KIF26B: variants seen among roughly 807,000 people sequenced by gnomAD.
The protein encoded by KIF26B is kinesin-like protein KIF26B.
KIF26B carries 63 observed loss-of-function variants against 151.2 expected under a neutral mutation model. The ratio of observed to expected loss-of-function variants is 0.42; its 90% confidence interval spans 0.34 to 0.51. The LOEUF (loss-of-function observed/expected upper bound fraction) is 0.51, where lower values mean the gene tolerates loss of function less well. Among genes scored for constraint, KIF26B ranks in the 20% least tolerant of loss-of-function variants. The pLI is 0.07. For missense variants in KIF26B, 2,813 were observed against 2,913.6 expected (o/e 0.97, Z 0.79); for synonymous variants, 1,357 against 1,262.1 (o/e 1.08, Z -1.59).
chr1:245,408,650 C>T (rs561514684), intron 3 of KIF26B, among the ~76,000 whole-genome samples: 8 of 152,300 alleles, frequency 5.3e-5, no homozygotes, highest in East Asian at 1.9e-4. Context: ...CCACCGCGTC[C>T]GGCCCCAAAT....
At position 245,493,030 on chromosome 1, in the gene KIF26B, C is replaced by T. The variant is rs980018841; in HGVS notation, c.1167-47737C>T. Reference sequence around the variant, plus strand: ...TCCTGACCTCGTCATCCACCTGCCTCGGCTTCCCAAAGTGCTGGGATTACA... The same window carrying T: ...TCCTGACCTCGTCATCCACCTGCCTTGGCTTCCCAAAGTGCTGGGATTACA... On this transcript the variant is annotated intron_variant, in intron 4 of 14. Transcript: ENST00000407071. Among the ~76,000 whole-genome samples the T allele has an allele frequency of 2.8e-4, 42 of 152,290 alleles. 1 individual carries two copies. Among genetic ancestry groups the T allele is most frequent in the Non-Finnish European group, 4.7e-4 (32 of 68,026 alleles).
At chr1:245,538,618 C>G (rs1373884107) in intron 4 of KIF26B, among the ~76,000 whole-genome samples, 1 of 152,116 alleles carries the variant, frequency 6.6e-6, no homozygotes, top group Non-Finnish European at 1.5e-5. Context: ...TCACTCCCTT[C>G]CCCTGTCTGT....
rs1183655901 is a variant in KIF26B at position 245,380,307 on chromosome 1, A to G, written c.999+12940A>G. On this transcript the variant is annotated intron_variant, in intron 3 of 14. Transcript: ENST00000407071. ...CAATGACTTGAGACACTGGGGAGAA[A>G]AAAAGATTCCATATGAAAAGCAAAG... is the stretch of plus-strand genomic sequence containing the variant. 2.6e-5 allele frequency among the ~76,000 whole-genome samples: 4 copies of G among 152,128 alleles called. No individual in the cohort carries two copies. The East Asian group carries it at 7.7e-4, about 29-fold the overall frequency.
At chr1:245,434,715 C>T (rs1658862298) in intron 4 of KIF26B, among the ~76,000 whole-genome samples, 1 of 152,118 alleles carries the variant, frequency 6.6e-6, no homozygotes, top group Admixed American at 6.5e-5. Context: ...TCTCTTGTCT[C>T]TAGGTGGGGA....
At chr1:245,656,506 C>T (rs917442214) in intron 10 of KIF26B, among the ~76,000 whole-genome samples, 1 of 152,208 alleles carries the variant, frequency 6.6e-6, no homozygotes, top group Non-Finnish European at 1.5e-5. Flanking sequence ...CATCATATCA[C>T]AAGTTGTGTC....
intron 3 of KIF26B, among the ~76,000 whole-genome samples, chr1:245,391,735 A>G (rs1572038786): frequency 6.6e-6 from 1 of 152,246 alleles, no homozygotes; most frequent in Non-Finnish European, 1.5e-5. Context: ...TTTTGTTTAG[A>G]AAATAATTAC....
chr1:245,585,694 T>C (rs71636576), intron 5 of KIF26B, among the ~76,000 whole-genome samples: 11,029 of 152,308 alleles, frequency 0.072, 613 homozygotes, highest in Non-Finnish European at 0.11. Context: ...CTGTCTCTGA[T>C]TCTTTCCATG....
At chr1:245,410,914 A>G (rs965928800) in intron 3 of KIF26B, among the ~76,000 whole-genome samples, 6 of 140,058 alleles carry the variant, frequency 4.3e-5, no homozygotes, top group East Asian at 4.2e-4. Flanking sequence ...CCCGTTAACA[A>G]TAACTCTATG....
chr1:245,309,634 T>C (rs942884307), intron 2 of KIF26B, among the ~76,000 whole-genome samples: 31 of 149,430 alleles, frequency 2.1e-4, no homozygotes, highest in Non-Finnish European at 2.2e-4. Context: ...TAAATACCTC[T>C]CTCATTATAT....
intron 2 of KIF26B, among the ~76,000 whole-genome samples, chr1:245,213,782 G>T (rs1375184163): frequency 6.6e-6 from 1 of 152,184 alleles, no homozygotes; most frequent in Non-Finnish European, 1.5e-5. Context: ...AAGATGTGGT[G>T]CCCCAACTTT....
chr1:245,300,534 CT>C lies in KIF26B; in HGVS notation c.466-66288del, dbSNP rs199923880. On this transcript the variant is annotated intron_variant, in intron 2 of 14. Transcript: ENST00000407071. ...AAATGAATTATTTTTTTTCTTTTTT[CT>C]TTTTTTTTTTTGAGGCAGAGTCTTG... is the stretch of plus-strand genomic sequence containing the variant. Among the ~76,000 whole-genome samples, 1,217 of 144,498 alleles carry C rather than the reference CT, an allele frequency of 8.4e-3. 12 individuals carry two copies. The highest frequency in any genetic ancestry group is 0.026 in the African/African-American group (1,034 of 39,680). 94.8% of individuals were successfully genotyped at this position (144,498 alleles called of 152,430 possible). A position where few individuals can be genotyped will look rare whatever the true frequency, so the allele number is the denominator to read the frequency against.
chr1:245,699,215 G>A (rs1315351978), intron 14 of KIF26B, among the ~76,000 whole-genome samples, 178 bp downstream of exon 14: 1 of 152,186 alleles, frequency 6.6e-6, no homozygotes, highest in Non-Finnish European at 1.5e-5. Flanking sequence ...GGATGGGCGG[G>A]AGGGGCCGGG....
At chr1:245,271,408 A>G (rs559196415) in intron 2 of KIF26B, among the ~76,000 whole-genome samples, 1 of 152,250 alleles carries the variant, frequency 6.6e-6, no homozygotes, top group South Asian at 2.1e-4. Flanking sequence ...TTGAATTTTC[A>G]TATATGGACT....
At chr1:245,279,357 G>C (rs1670997356) in intron 2 of KIF26B, among the ~76,000 whole-genome samples, 1 of 149,688 alleles carries the variant, frequency 6.7e-6, no homozygotes, top group Non-Finnish European at 1.5e-5. Flanking sequence ...CCCCAGGCTG[G>C]AGTGCAGTGG....
intron 2 of KIF26B, among the ~76,000 whole-genome samples, chr1:245,296,690 G>A (rs766077398): frequency 1.8e-4 from 27 of 152,148 alleles, no homozygotes; most frequent in Admixed American, 3.9e-4. Context: ...TGGCTTCCAC[G>A]TCCTCGTCTT....
chr1:245,178,961 T>C (rs1668857789), intron 2 of KIF26B, among the ~76,000 whole-genome samples: 1 of 91,870 alleles, frequency 1.1e-5, no homozygotes, highest in African/African-American at 4.6e-5. Flanking sequence ...CTTGGAACAA[T>C]TCTTAACCAT....
intron 2 of KIF26B, among the ~76,000 whole-genome samples, chr1:245,191,664 C>G (rs1029851024): frequency 6.6e-6 from 1 of 151,998 alleles, no homozygotes; most frequent in African/African-American, 2.4e-5. Context: ...AAAGGGCAGG[C>G]GACAATCTGC....
chr1:245,258,778 C>G (rs562682526), intron 2 of KIF26B, among the ~76,000 whole-genome samples: 49 of 152,028 alleles, frequency 3.2e-4, no homozygotes, highest in African/African-American at 1.1e-3. Flanking sequence ...ACAAGCAGGA[C>G]CCACGGGCGG....
chr1:245,559,263 G>A (rs900909472), intron 5 of KIF26B, among the ~76,000 whole-genome samples: 12 of 152,146 alleles, frequency 7.9e-5, no homozygotes, highest in South Asian at 2.1e-4. Flanking sequence ...ACTTGAGCCC[G>A]GGAAGTCTAA....
Sources: gnomAD v4.1 joint callset for allele counts (sites outside exome capture counted in the v4.1 genomes callset) on GRCh38, gnomAD v4.1.1 for gene constraint, MANE v1.5 for transcripts, NCBI Gene and HGNC (gene_info 2026-07-23, HGNC 2026-07-21) for gene names.